The following HIGD1A variants were observed in gnomAD, a reference collection of about 807,000 sequenced individuals.
The protein encoded by HIGD1A is HIG1 hypoxia inducible domain family member 1A.
A neutral mutation model predicts 11.3 loss-of-function variants in HIGD1A; 8 were observed. The ratio of observed to expected loss-of-function variants is 0.71; its 90% CI spans 0.42 to 1.28. The LOEUF is 1.28. Ranked by LOEUF, HIGD1A falls within the 50% of genes most tolerant of loss-of-function variation. The probability of loss-of-function intolerance (pLI) is 0.01; values close to 1 mark genes in which losing one functional copy is unlikely to be tolerated. For missense variants in HIGD1A, 107 were observed against 118.8 expected (o/e 0.90, Z 0.46); for synonymous variants, 32 against 38.4 (o/e 0.83, Z 0.62).
intron 1 of HIGD1A, among the ~76,000 whole-genome samples, chr3:42,803,456 G>C (rs1700595203): frequency 1.3e-5 from 2 of 152,340 alleles, no homozygotes; most frequent in South Asian, 4.1e-4. Flanking sequence ...GTCTGGGGCA[G>C]AGCTCAAGGA....
intron 2 of HIGD1A, among the ~76,000 whole-genome samples, chr3:42,788,566 C>A (rs1700380348): frequency 6.6e-6 from 1 of 151,962 alleles, no homozygotes; most frequent in Admixed American, 6.6e-5. Context: ...AAAACAAATC[C>A]CTGATACCAA....
chr3:42,786,312 C>T, intron 2 of HIGD1A, 150 bp from the exon 3 acceptor site: 2 of 810,678 alleles, frequency 2.5e-6, no homozygotes, highest in South Asian at 2.2e-5. Flanking sequence ...CATGTTTTCC[C>T]CTATCAAAAC....
chr3:42,788,683 A>C (rs1167594276), intron 2 of HIGD1A, among the ~76,000 whole-genome samples: 1 of 152,028 alleles, frequency 6.6e-6, no homozygotes, highest in Admixed American at 6.6e-5. Context: ...GGAGTTCGAG[A>C]CTAGCCTGGC....
intron 1 of HIGD1A, among the ~76,000 whole-genome samples, chr3:42,803,499 G>A (rs1316921049): frequency 6.6e-6 from 1 of 152,202 alleles, no homozygotes; most frequent in African/African-American, 2.4e-5. Context: ...TGACTCTGGT[G>A]CACAAAGAGA....
intron 1 of HIGD1A, among the ~76,000 whole-genome samples, chr3:42,801,735 CAG>C (rs1357790881): frequency 2.6e-5 from 4 of 152,208 alleles, no homozygotes; most frequent in African/African-American, 9.7e-5. Context: ...CCTTGCAACA[CAG>C]GGGACAAAAC....
At chr3:42,800,680 C>T (rs1002420254) in intron 1 of HIGD1A, among the ~76,000 whole-genome samples, 54 of 151,636 alleles carry the variant, frequency 3.6e-4, no homozygotes, top group Admixed American at 5.9e-4. Context: ...TTGATTTCTC[C>T]ATAATTATCA....
At chr3:42,803,059 C>G (rs114077680) in intron 1 of HIGD1A, among the ~76,000 whole-genome samples, 3,667 of 152,270 alleles carry the variant, frequency 0.024, 57 homozygotes, top group Middle Eastern at 0.075. Context: ...TTCACTACAC[C>G]ACTGCCAGAC....
At chr3:42,788,870 T>C (rs1054961296) in intron 2 of HIGD1A, among the ~76,000 whole-genome samples, 13 of 151,264 alleles carry the variant, frequency 8.6e-5, no homozygotes, top group Non-Finnish European at 1.8e-4. Flanking sequence ...AGAGCGGGAC[T>C]GTCTCCAAAA....
At chr3:42,789,489 G>C (rs1700393098) in intron 2 of HIGD1A, among the ~76,000 whole-genome samples, 1 of 128,350 alleles carries the variant, frequency 7.8e-6, no homozygotes. Flanking sequence ...AACAGAGTGA[G>C]ACCTGTGTCT....
intron 1 of HIGD1A, among the ~76,000 whole-genome samples, chr3:42,803,262 G>A (rs1326502456): frequency 1.3e-5 from 2 of 152,242 alleles, no homozygotes; most frequent in African/African-American, 2.4e-5. Context: ...GGCATTAAGG[G>A]AAGATGAGCC....
intron 1 of HIGD1A, chr3:42,804,170 A>G: frequency 1.9e-6 from 3 of 1,606,350 alleles, no homozygotes; most frequent in Non-Finnish European, 2.5e-6. Flanking sequence ...TCGGCAACTC[A>G]CTCCACAAGC....
At chr3:42,787,739 T>C (rs1424342191) in intron 2 of HIGD1A, among the ~76,000 whole-genome samples, 2 of 149,800 alleles carry the variant, frequency 1.3e-5, no homozygotes, top group Non-Finnish European at 1.5e-5. Context: ...AATGGGAAAA[T>C]CTGTCTCTTT....
chr3:42,792,688 T>G lies in HIGD1A; in HGVS notation c.97+1469A>C, dbSNP rs567276511. ...GACTCCGTTTCAAAAAAAAAAAAAGTAGAGTTTTAGGCCAGGCACGGTGGC... is the reference window on the plus strand; with the variant it reads ...GACTCCGTTTCAAAAAAAAAAAAAGGAGAGTTTTAGGCCAGGCACGGTGGC... On this transcript the variant is annotated intron_variant, in intron 2 of 3. Transcript: ENST00000321331. Among the ~76,000 whole-genome samples the G allele has an allele frequency of 2.7e-4, 27 of 99,270 alleles. No individual in the cohort carries two copies. In the East Asian group the frequency reaches 7.0e-3, roughly 26 times the overall value. The allele number at this position is 99,270 out of a possible 152,430, so 65.1% of individuals were successfully genotyped here.
chr3:42,790,200 T>A (rs1164704593), intron 2 of HIGD1A, among the ~76,000 whole-genome samples: 1 of 152,226 alleles, frequency 6.6e-6, no homozygotes, highest in Non-Finnish European at 1.5e-5. Context: ...TTGCAGATCA[T>A]CTAACTGTGT....
In HIGD1A at chr3:42,804,450, C is replaced by T. The variant is rs971306092; in HGVS notation, c.-37G>A. 4.1e-6 allele frequency: 2 copies of T among 485,432 alleles called. No individual in the cohort carries two copies. The highest frequency in any genetic ancestry group is 2.0e-5 in the African/African-American group (1 of 49,830). 30.1% of individuals were successfully genotyped at this position (485,432 alleles called of 1,614,324 possible). A position where few individuals can be genotyped will look rare whatever the true frequency, so the allele number is the denominator to read the frequency against. On this transcript the variant is annotated 5_prime_UTR_variant, in exon 1 of 4. Coordinates refer to ENST00000321331, the MANE Select transcript of HIGD1A (RefSeq NM_014056.4). ...GTTTCGCTTACCTAGAGCGAGAAAA[C>T]CTCTCACACCCCAACCGGCTTCCGA...
intron 1 of HIGD1A, among the ~76,000 whole-genome samples, chr3:42,801,795 A>C (rs1700568606): frequency 6.6e-6 from 1 of 152,270 alleles, no homozygotes; most frequent in African/African-American, 2.4e-5. Context: ...TTCTGCAGAT[A>C]TAAAAGCATG....
Position 42,783,757 on chromosome 3 carries a change from A to G in HIGD1A, c.*1514T>C, listed in dbSNP as rs939795144. Among the ~76,000 whole-genome samples the G allele has an allele frequency of 3.3e-5, 5 of 152,164 alleles. No individual in the cohort carries two copies. The highest frequency in any genetic ancestry group is 1.2e-4 in the African/African-American group (5 of 41,446). ...CTCAAAAGGAATTATTGGTGACTGA[A>G]AATAAATAGAAGAGTGTTATAATTA... On this transcript the variant is annotated 3_prime_UTR_variant, in exon 4 of 4. Transcript: ENST00000321331.
intron 2 of HIGD1A, 64 bp from the exon 3 acceptor site, chr3:42,786,226 G>C (rs546310336): frequency 2.1e-5 from 32 of 1,495,346 alleles, no homozygotes; most frequent in Non-Finnish European, 2.9e-5. Context: ...TTTACCATCA[G>C]TCAATGTACA....
chr3:42,791,207 G>A (rs573572929), intron 2 of HIGD1A, among the ~76,000 whole-genome samples: 2 of 152,180 alleles, frequency 1.3e-5, no homozygotes, highest in Non-Finnish European at 2.9e-5. Context: ...TATCCATACG[G>A]AAAATAAGTT....
Sources: gnomAD v4.1 joint callset for allele counts (sites outside exome capture counted in the v4.1 genomes callset) on GRCh38, gnomAD v4.1.1 for gene constraint, MANE v1.5 for transcripts, NCBI Gene and HGNC (gene_info 2026-07-23, HGNC 2026-07-21) for gene names.